NUP155: variants seen among roughly 807,000 people sequenced by gnomAD.
NUP155 encodes nuclear pore complex protein Nup155.
A neutral mutation model predicts 180.4 loss-of-function variants in NUP155; 71 were observed. That is an observed-to-expected ratio of 0.39 (90% confidence interval 0.33 to 0.48). The LOEUF (loss-of-function observed/expected upper bound fraction) is 0.48. Ranked by LOEUF, NUP155 falls within the 20% of genes least tolerant of loss-of-function variation. The pLI, the probability that NUP155 is intolerant of heterozygous loss-of-function variation, is 0.91. For synonymous variants in NUP155, 582 were observed against 559.5 expected (o/e 1.04, Z -0.57); for missense variants, 1,553 against 1,648.9 (o/e 0.94, Z 1.01).
At chr5:37,344,797 G>C (rs967396408) in intron 9 of NUP155, among the ~76,000 whole-genome samples, 8 of 151,662 alleles carry the variant, frequency 5.3e-5, no homozygotes, top group Non-Finnish European at 1.2e-4. Flanking sequence ...GCTTGAACCC[G>C]GGAGGTGGAG....
In NUP155 at chr5:37,305,061, T is replaced by C. The variant is rs2150944283; in HGVS notation, c.3053A>G (p.His1018Arg). 3.7e-6 allele frequency: 6 copies of C among 1,613,456 alleles called. No individual in the cohort carries two copies. The highest frequency in any genetic ancestry group is 4.5e-5 in the East Asian group (2 of 44,868). Reference protein sequence around the residue: ...PNMLSNEEAGHHFEQMLKLSQ... With the variant: ...PNMLSNEEAGRHFEQMLKLSQ... ...AAAATATACTATGTCCCTTACATGA[T>C]GTCCTGCTTCTTCATTACTCAGCAT... Residue 1018 changes from histidine to arginine, a missense_variant, in exon 26 of 35, where the codon CAT becomes CGT. Coordinates refer to ENST00000231498, the MANE Select transcript of NUP155 (RefSeq NM_153485.3).
chr5:37,302,945 T>A (rs1330174144), intron 28 of NUP155, 37 bp from the exon 29 acceptor site: 6 of 1,609,818 alleles, frequency 3.7e-6, no homozygotes, highest in Non-Finnish European at 5.1e-6. Context: ...TTACACAATT[T>A]CTTAAGGATT....
Position 37,322,580 on chromosome 5 carries a change from G to A in NUP155, c.2207+1412C>T, listed in dbSNP as rs994982924. ...GAATTAGCTGGGTGTGGTGGCAAGCGCCTGTAGTCCCAGCTACTCGGGAGG... is the reference window on the plus strand; with the variant it reads ...GAATTAGCTGGGTGTGGTGGCAAGCACCTGTAGTCCCAGCTACTCGGGAGG... On this transcript the variant is annotated intron_variant, in intron 20 of 34. Transcript: ENST00000231498. 1.2e-4 allele frequency among the ~76,000 whole-genome samples: 18 copies of A among 152,052 alleles called. 1 individual carries two copies. In the South Asian group the frequency reaches 2.1e-3, roughly 18 times the overall value.
chr5:37,308,517 T>G (rs1401731928), intron 24 of NUP155, among the ~76,000 whole-genome samples: 1 of 151,774 alleles, frequency 6.6e-6, no homozygotes, highest in Non-Finnish European at 1.5e-5. Context: ...GCTAACATGG[T>G]GAAACCCATC....
intron 30 of NUP155, chr5:37,301,205 C>T (rs984962019): frequency 1.3e-5 from 6 of 453,344 alleles, no homozygotes; most frequent in African/African-American, 6.0e-5. Context: ...AGCTCTCATG[C>T]GAGGATGATA....
Position 37,317,997 on chromosome 5 carries a change from TC to T in NUP155, c.2295del (p.Lys766SerfsTer7). The T allele has an allele frequency of 6.3e-7, 1 of 1,594,358 alleles. No homozygotes were observed. The highest frequency in any genetic ancestry group is 8.6e-7 in the Non-Finnish European group (1 of 1,161,910). On this transcript the variant is annotated frameshift_variant, in exon 21 of 35. Coordinates refer to ENST00000231498, the MANE Select transcript of NUP155 (RefSeq NM_153485.3). LOFTEE classifies it high-confidence loss of function. Reference protein sequence around the residue: ...NPQQMQQELQRKFHEAQLSEK... With the variant: ...NPQQMQQELQXKFHEAQLSEK... Reference sequence around the variant, plus strand: ...AGAAGCAATAATTTACCATGAAACTTCCTCTGCAGTTCCTGTTGCATTTGCT... The same window carrying T: ...AGAAGCAATAATTTACCATGAAACTTCTCTGCAGTTCCTGTTGCATTTGCT...
In NUP155 at chr5:37,292,989, T is replaced by A; in HGVS notation, c.3931-4A>T. 6.4e-7 allele frequency: 1 copy of A among 1,555,936 alleles called. No individual in the cohort carries two copies. The highest frequency in any genetic ancestry group is 8.9e-7 in the Non-Finnish European group (1 of 1,127,334). On this transcript the variant is annotated splice_polypyrimidine_tract_variant and splice_region_variant and intron_variant, in intron 33 of 34. Coordinates refer to ENST00000231498, the MANE Select transcript of NUP155 (RefSeq NM_153485.3). ...TCATTCTGTTCCAGAATGGATCCTA[T>A]GAAGAAATATACATAATGAAATGTG...
chr5:37,329,309 C>A, intron 15 of NUP155, 31 bp from the exon 16 acceptor site: 1 of 1,544,306 alleles, frequency 6.5e-7, no homozygotes, highest in East Asian at 2.2e-5. Context: ...TGAGTTTATT[C>A]AGTAAAACAA....
intron 20 of NUP155, among the ~76,000 whole-genome samples, chr5:37,323,276 G>A (rs1361644451): frequency 6.6e-6 from 1 of 152,186 alleles, no homozygotes; most frequent in Non-Finnish European, 1.5e-5. Context: ...CAGAGCAAGA[G>A]TCCGTCTAAA....
At chr5:37,337,609 C>G (rs535973220) in intron 12 of NUP155, among the ~76,000 whole-genome samples, 17 of 152,172 alleles carry the variant, frequency 1.1e-4, no homozygotes, top group Non-Finnish European at 1.8e-4. Flanking sequence ...CCAATGTTTT[C>G]TTTAAAGATT....
chr5:37,330,819 G>A (rs980796269), intron 14 of NUP155, among the ~76,000 whole-genome samples: 1 of 152,086 alleles, frequency 6.6e-6, no homozygotes, highest in African/African-American at 2.4e-5. Flanking sequence ...CATATAACCT[G>A]AACAAGAAAC....
intron 4 of NUP155, 50 bp downstream of exon 4, chr5:37,358,031 G>T: frequency 8.0e-7 from 1 of 1,243,446 alleles, no homozygotes; most frequent in Non-Finnish European, 1.2e-6. Context: ...TATACCATTT[G>T]GAGTTTACAT....
chr5:37,343,251 T>G lies in NUP155; in HGVS notation c.996-605A>C, dbSNP rs1424931586. On this transcript the variant is annotated intron_variant, in intron 9 of 34. Transcript: ENST00000231498. Reference sequence around the variant, plus strand: ...CACCACACCTGGCTAATTTTTTGTATTTTTAGTAGAGACGGGGTTTCACTA... The same window carrying G: ...CACCACACCTGGCTAATTTTTTGTAGTTTTAGTAGAGACGGGGTTTCACTA... 2.6e-5 allele frequency among the ~76,000 whole-genome samples: 4 copies of G among 151,932 alleles called. No individual in the cohort carries two copies. The East Asian group carries it at 7.8e-4, about 30-fold the overall frequency.
At chr5:37,310,507 A>G in intron 23 of NUP155, 45 bp downstream of exon 23, 1 of 1,494,652 alleles carries the variant, frequency 6.7e-7, no homozygotes, top group South Asian at 1.1e-5. Context: ...ATCATACATG[A>G]TACCTCTTAT....
intron 12 of NUP155, among the ~76,000 whole-genome samples, chr5:37,336,847 A>G (rs1313581402): frequency 6.6e-6 from 1 of 152,104 alleles, no homozygotes; most frequent in Middle Eastern, 3.2e-3. Flanking sequence ...CCTCCCACTT[A>G]CACACACCTT....
Position 37,302,787 on chromosome 5 carries a change from T to A in NUP155, c.3439A>T (p.Lys1147Ter). 1 of 1,614,090 alleles carries A rather than the reference T, an allele frequency of 6.2e-7. No homozygotes were observed. Among genetic ancestry groups the A allele is most frequent in the Non-Finnish European group, 8.5e-7 (1 of 1,179,978 alleles). The change falls in exon 29 of 35, where the codon AAA (lysine) becomes TAA (stop). Residue 1147 changes from lysine (K) to a stop codon, truncating the protein, a stop_gained. Coordinates refer to ENST00000231498, the MANE Select transcript of NUP155 (RefSeq NM_153485.3). LOFTEE classifies it high-confidence loss of function. ...DGEFLHELEE[K>*]MEVARIQLQI... ...AGATCTTTAGCACTTACCTCCATTT[T>A]TTCTTCTAATTCATGAAGAAATTCA...
intron 4 of NUP155, among the ~76,000 whole-genome samples, chr5:37,357,399 CAAAAAAAAAA>C (rs397997409): frequency 7.3e-4 from 23 of 31,302 alleles, no homozygotes; most frequent in African/African-American, 2.4e-3. Context: ...ACCTTAATCT[CAAAAAAAAAA>C]AAAAAAAAAA....
chr5:37,331,788 A>T lies in NUP155; in HGVS notation c.1526T>A (p.Leu509His). ...TACAGGTCTAAGTTTATGAAACATA[A>T]GGCTCCCCTAAGAAATTTGAAGAAA... The part of the protein sequence containing the change: ...KFVLLSAQGS[L>H]MFHKLRPVDQ... Residue 509 changes from leucine (L) to histidine (H), a missense_variant, in exon 14 of 35, where the codon CTT becomes CAT. By Grantham distance (99) the Leu-to-His change is moderately conservative. Transcript: ENST00000231498. 1.2e-6 allele frequency: 2 copies of T among 1,601,404 alleles called. No homozygotes were observed. Among genetic ancestry groups the T allele is most frequent in the Non-Finnish European group, 8.5e-7 (1 of 1,170,482 alleles).
At chr5:37,294,005 CAAAAAAAAAAAAAA>C (rs70976294) in intron 33 of NUP155, among the ~76,000 whole-genome samples, 1 of 37,282 alleles carries the variant, frequency 2.7e-5, no homozygotes. Context: ...GACGCCGTCT[CAAAAAAAAAAAAAA>C]AAAAAAAAAT....
Sources: gnomAD v4.1 joint callset for allele counts (sites outside exome capture counted in the v4.1 genomes callset) on GRCh38, gnomAD v4.1.1 for gene constraint, MANE v1.5 for transcripts, NCBI Gene and HGNC (gene_info 2026-07-23, HGNC 2026-07-21) for gene names.